AGA: variants seen among roughly 807,000 people sequenced by gnomAD.
AGA encodes aspartylglucosaminidase, also known as N(4)-(beta-N-acetylglucosaminyl)-L-asparaginase.
AGA carries 31 observed loss-of-function variants against 40.1 expected under a neutral mutation model. The observed-to-expected ratio is 0.77, with a 90% CI of 0.58 to 1.04. The LOEUF is 1.04. Ranked by LOEUF, AGA falls within the 50% of genes least tolerant of loss-of-function variation. The pLI is 0.00. For missense variants in AGA, 445 were observed against 435.4 expected (o/e 1.02, Z -0.20); for synonymous variants, 148 against 144.0 (o/e 1.03, Z -0.20).
At chr4:177,437,629 TA>T (rs1196882820) in intron 4 of AGA, 110 bp from the exon 5 acceptor site, 1 of 727,470 alleles carries the variant, frequency 1.4e-6, no homozygotes, top group African/African-American at 1.8e-5. Context: ...AGACATCTGG[TA>T]ACTTAAAGAT....
At chr4:177,441,567 G>C (rs1194911069) in intron 1 of AGA, among the ~76,000 whole-genome samples, 1 of 152,174 alleles carries the variant, frequency 6.6e-6, no homozygotes, top group East Asian at 1.9e-4. Context: ...AACGCTTCCT[G>C]GAAGAGGTGA....
chr4:177,438,882 A>G (rs953707707), intron 3 of AGA, 25 bp from the exon 4 acceptor site: 1 of 1,386,680 alleles, frequency 7.2e-7, no homozygotes, highest in Non-Finnish European at 1.0e-6. Flanking sequence ...AAAGGAAAGT[A>G]TAAATTATTC....
rs746411193 is a variant in AGA, at chr4:177,440,269, T to G, written c.281+4A>C. 5 of 1,613,938 alleles carry G rather than the reference T, an allele frequency of 3.1e-6. No homozygotes were observed. Among genetic ancestry groups the G allele is most frequent in the Non-Finnish European group, 4.2e-6 (5 of 1,179,990 alleles). ...AATAAATAGGACCTGAACGGTGTTCTTACCCATCCATGATCATGGCATCTA... is the reference window on the plus strand; with the variant it reads ...AATAAATAGGACCTGAACGGTGTTCGTACCCATCCATGATCATGGCATCTA... On this transcript the variant is annotated splice_donor_region_variant and intron_variant, in intron 2 of 8. Coordinates refer to ENST00000264595, the MANE Select transcript of AGA (RefSeq NM_000027.4).
intron 7 of AGA, among the ~76,000 whole-genome samples, chr4:177,433,823 G>A (rs1020475316): frequency 6.6e-6 from 1 of 151,946 alleles, no homozygotes; most frequent in African/African-American, 2.4e-5. Context: ...TAGATCATAA[G>A]TATTCTCATC....
At chr4:177,435,285 G>C (rs1169100184) in intron 6 of AGA, among the ~76,000 whole-genome samples, 1 of 152,174 alleles carries the variant, frequency 6.6e-6, no homozygotes, top group African/African-American at 2.4e-5. Context: ...TAAATAGCTT[G>C]ATTTAGCCAT....
chr4:177,431,638 T>G lies in AGA; in HGVS notation c.*70A>C. 8 of 1,274,102 alleles carry G rather than the reference T, an allele frequency of 6.3e-6. No homozygotes were observed. Among genetic ancestry groups the G allele is most frequent in the Non-Finnish European group, 9.1e-6 (8 of 879,578 alleles). The allele number at this position is 1,274,102 out of a possible 1,614,324, so 78.9% of individuals were successfully genotyped here. A position where few individuals can be genotyped will look rare whatever the true frequency, so the allele number is the denominator to read the frequency against. ...AGAACACATGAGGAACACTAGATGA[T>G]GAGAGTGAGCAGCCTTTTCAGCCTT... On this transcript the variant is annotated 3_prime_UTR_variant, in exon 9 of 9. Coordinates refer to ENST00000264595, the MANE Select transcript of AGA (RefSeq NM_000027.4).
rs1374541568 is a variant in AGA, at chr4:177,431,261, A to C, written c.*447T>G. ...ACCAATAATCAGTGCTAAGACATGC[A>C]TCACTGTGACATAATGAAATTCAAT... is the stretch of plus-strand genomic sequence containing the variant. On this transcript the variant is annotated 3_prime_UTR_variant, in exon 9 of 9. Coordinates refer to ENST00000264595, the MANE Select transcript of AGA (RefSeq NM_000027.4). 1 of 437,494 alleles carries C rather than the reference A, an allele frequency of 2.3e-6. No homozygotes were observed. Among genetic ancestry groups the C allele is most frequent in the Non-Finnish European group, 4.5e-6 (1 of 222,140 alleles). The allele number at this position is 437,494 out of a possible 1,614,324, so 27.1% of individuals were successfully genotyped here.
At chr4:177,442,131 C>T (rs1425412555) in intron 1 of AGA, 118 bp downstream of exon 1, 1 of 1,469,362 alleles carries the variant, frequency 6.8e-7, no homozygotes. Flanking sequence ...ACCGCGAGGC[C>T]CGGCCCAGCC....
chr4:177,434,453 G>A lies in AGA; in HGVS notation c.735C>T (p.Ala245=). ...CTGCCCCTGCAGTATCGTCAGCATA[G>A]GCTCCAGCTCCAGGTATTGGTGAGT... ...VGDSPIPGAG[A]YADDTAGAAA... is the part of the protein sequence containing the mutation. The change falls in exon 7 of 9, where the codon GCC becomes GCT. Residue 245 remains alanine, a synonymous_variant. Coordinates refer to ENST00000264595, the MANE Select transcript of AGA (RefSeq NM_000027.4). 2 of 1,614,094 alleles carry A rather than the reference G, an allele frequency of 1.2e-6. No individual in the cohort carries two copies. The highest frequency in any genetic ancestry group is 1.7e-6 in the Non-Finnish European group (2 of 1,180,022).
chr4:177,440,389 A>C lies in AGA; in HGVS notation c.165T>G (p.Asp55Glu), dbSNP rs1736958651. The change falls in exon 2 of 9, where the codon GAT (aspartate) becomes GAG (glutamate). Residue 55 changes from aspartate (D) to glutamate (E), a missense_variant. By Grantham distance (45) the Asp-to-Glu change is conservative. Transcript: ENST00000264595. ...ACATGGCACAGCCGCTCTCCACTGCATCCAGGGCAGAGCCTCCAGATGCTA... is the reference window on the plus strand; with the variant it reads ...ACATGGCACAGCCGCTCTCCACTGCCTCCAGGGCAGAGCCTCCAGATGCTA... ...RALASGGSALDAVESGCAMCE... is the reference protein window; with the variant it reads ...RALASGGSALEAVESGCAMCE... The C allele has an allele frequency of 3.1e-6, 5 of 1,614,026 alleles. No homozygotes were observed. In the South Asian group the frequency reaches 5.5e-5, roughly 18 times the overall value.
chr4:177,438,206 G>A (rs1736885963), intron 4 of AGA, among the ~76,000 whole-genome samples: 1 of 152,128 alleles, frequency 6.6e-6, no homozygotes, highest in Admixed American at 6.6e-5. Flanking sequence ...CTACTCGAAA[G>A]TAATTAGGAC....
chr4:177,442,267 T>TA lies in AGA; in HGVS notation c.108dup (p.Lys37Ter). On this transcript the variant is annotated frameshift_variant, in exon 1 of 9. Coordinates refer to ENST00000264595, the MANE Select transcript of AGA (RefSeq NM_000027.4). LOFTEE classifies it high-confidence loss of function. ...CCCGCACCTGCTTCGGTTGCATTCT[T>TA]AAAGGGCCAAGTGTTGACGACCAGG... 6.2e-7 allele frequency: 1 copy of TA among 1,613,868 alleles called. No individual in the cohort carries two copies. Among genetic ancestry groups the TA allele is most frequent in the Non-Finnish European group, 8.5e-7 (1 of 1,179,864 alleles).
chr4:177,436,164 T>C (rs147643934), intron 6 of AGA, 112 bp downstream of exon 6: 1,129 of 872,338 alleles, frequency 1.3e-3, no homozygotes, highest in Non-Finnish European at 1.9e-3. Flanking sequence ...TTCACACTCA[T>C]TCATCGCAGC....
chr4:177,435,792 G>A (rs113732742), intron 6 of AGA, among the ~76,000 whole-genome samples: 3 of 144,848 alleles, frequency 2.1e-5, no homozygotes, highest in Admixed American at 1.4e-4. Flanking sequence ...GAGCGTGCAC[G>A]CACACGCACA....
At chr4:177,440,829 A>G (rs535823650) in intron 1 of AGA, among the ~76,000 whole-genome samples, 12 of 152,352 alleles carry the variant, frequency 7.9e-5, no homozygotes, top group African/African-American at 2.9e-4. Flanking sequence ...TAAAATATGC[A>G]TAATTGATAT....
chr4:177,435,517 T>C (rs1354956967), intron 6 of AGA, among the ~76,000 whole-genome samples: 1 of 152,204 alleles, frequency 6.6e-6, no homozygotes, highest in Admixed American at 6.5e-5. Context: ...CTATAATCTA[T>C]TTCCGCTTCC....
In AGA at chr4:177,442,422, C is replaced by T. The variant is rs200021845; in HGVS notation, c.-47G>A. 9.8e-5 allele frequency: 158 copies of T among 1,612,854 alleles called. No homozygotes were observed. The East Asian group carries it at 1.4e-3, about 14-fold the overall frequency. On this transcript the variant is annotated 5_prime_UTR_variant, in exon 1 of 9. Transcript: ENST00000264595. Reference sequence around the variant, plus strand: ...GCGCGAGAAAAGTCCCGGCAGCCAGCGATCGCCGAACAATTAATCCCCAGT... The same window carrying T: ...GCGCGAGAAAAGTCCCGGCAGCCAGTGATCGCCGAACAATTAATCCCCAGT...
At position 177,442,190 on chromosome 4, in the gene AGA, G is replaced by A. The variant is rs1737049796; in HGVS notation, c.127+59C>T. Reference sequence around the variant, plus strand: ...CGGGTGACTGCAGCGGGGCGGGCTAGTCATCCCCACCCGCAAGCTCTCGCG... The same window carrying A: ...CGGGTGACTGCAGCGGGGCGGGCTAATCATCCCCACCCGCAAGCTCTCGCG... On this transcript the variant is annotated intron_variant, in intron 1 of 8. Coordinates refer to ENST00000264595, the MANE Select transcript of AGA (RefSeq NM_000027.4). 2.5e-6 allele frequency: 4 copies of A among 1,605,154 alleles called. No individual in the cohort carries two copies. The Admixed American group carries it at 6.8e-5, about 27-fold the overall frequency.
At chr4:177,438,962 A>G in intron 3 of AGA, 105 bp from the exon 4 acceptor site, 1 of 748,976 alleles carries the variant, frequency 1.3e-6, no homozygotes, top group Admixed American at 2.0e-5. Context: ...TAAGTGAGCT[A>G]CACAAAGACT....
Sources: allele counts gnomAD v4.1 joint callset (sites outside exome capture counted in the v4.1 genomes callset), GRCh38; gene constraint gnomAD v4.1.1; transcripts MANE v1.5; gene names NCBI Gene and HGNC (gene_info 2026-07-23, HGNC 2026-07-21).